The following TMEM117 variants were observed in gnomAD, a reference collection of about 807,000 sequenced individuals.
The protein encoded by TMEM117 is transmembrane protein 117.
Under a neutral mutation model 52.4 loss-of-function variants are expected in TMEM117, and 27 were observed. That is an observed-to-expected ratio of 0.51 (90% confidence interval 0.38 to 0.71). The LOEUF (loss-of-function observed/expected upper bound fraction) is 0.71. Ranked by LOEUF, TMEM117 falls within the 30% of genes least tolerant of loss-of-function variation. TMEM117 has a pLI of 0.00. For synonymous variants in TMEM117, 215 were observed against 206.3 expected (o/e 1.04, Z -0.36); for missense variants, 556 against 630.5 (o/e 0.88, Z 1.26).
chr12:44,158,917 A>G (rs1948863262), intron 4 of TMEM117, among the ~76,000 whole-genome samples: 2 of 152,140 alleles, frequency 1.3e-5, no homozygotes, highest in South Asian at 2.1e-4. Flanking sequence ...GCTGGCTGGC[A>G]GATTGTAGCT....
intron 5 of TMEM117, among the ~76,000 whole-genome samples, chr12:44,235,874 A>G (rs1949989436): frequency 6.6e-6 from 1 of 151,886 alleles, no homozygotes; most frequent in Non-Finnish European, 1.5e-5. Flanking sequence ...TGCTGACTAT[A>G]GTATTCTAAC....
At chr12:44,343,961 C>G (rs1162121045) in intron 6 of TMEM117, among the ~76,000 whole-genome samples, 1 of 151,974 alleles carries the variant, frequency 6.6e-6, no homozygotes, top group Non-Finnish European at 1.5e-5. Flanking sequence ...GGCAAGGAGC[C>G]AGAAGCCGGA....
chr12:43,861,425 G>A (rs971233198), intron 2 of TMEM117, among the ~76,000 whole-genome samples: 1 of 152,092 alleles, frequency 6.6e-6, no homozygotes, highest in African/African-American at 2.4e-5. Context: ...TTTTTTCTGG[G>A]TTGCTCCCCT....
At chr12:43,806,281 T>A in the TMEM117 span, 1 of 1,488,052 alleles carries the variant, frequency 6.7e-7, no homozygotes, top group Admixed American at 2.2e-5. Flanking sequence ...CGGCGCTGAG[T>A]GCAGCCAGCG....
At chr12:44,204,233 T>C (rs1187811501) in intron 4 of TMEM117, among the ~76,000 whole-genome samples, 1 of 152,044 alleles carries the variant, frequency 6.6e-6, no homozygotes, top group Non-Finnish European at 1.5e-5. Context: ...GGATACAAAA[T>C]CAGTGTACAA....
At chr12:44,289,717 T>A (rs1299365155) in intron 5 of TMEM117, among the ~76,000 whole-genome samples, 1 of 151,970 alleles carries the variant, frequency 6.6e-6, no homozygotes, top group African/African-American at 2.4e-5. Flanking sequence ...CATGCCTGGC[T>A]AATTTTTTGT....
intron 5 of TMEM117, among the ~76,000 whole-genome samples, chr12:44,285,131 T>C (rs1950622927): frequency 6.6e-6 from 1 of 152,212 alleles, no homozygotes; most frequent in Non-Finnish European, 1.5e-5. Context: ...CATTACAATC[T>C]GAGTGACCAA....
intron 5 of TMEM117, among the ~76,000 whole-genome samples, chr12:44,282,348 G>A (rs911899255): frequency 6.6e-6 from 1 of 152,190 alleles, no homozygotes; most frequent in South Asian, 2.1e-4. Flanking sequence ...GGAACAGTTT[G>A]GAGGGCCCAG....
intron 3 of TMEM117, among the ~76,000 whole-genome samples, chr12:44,085,846 T>A (rs893338872): frequency 6.6e-6 from 1 of 151,290 alleles, no homozygotes; most frequent in Non-Finnish European, 1.5e-5. Context: ...TCTTTAGCTA[T>A]TTTTTTTTCT....
At chr12:44,268,396 G>A (rs1039107694) in intron 5 of TMEM117, among the ~76,000 whole-genome samples, 7 of 151,924 alleles carry the variant, frequency 4.6e-5, no homozygotes, top group South Asian at 2.1e-4. Flanking sequence ...CACCCGCCTC[G>A]GCCTCTCCAG....
At chr12:44,292,232 C>T (rs1950713962) in intron 5 of TMEM117, among the ~76,000 whole-genome samples, 1 of 151,826 alleles carries the variant, frequency 6.6e-6, no homozygotes, top group African/African-American at 2.4e-5. Flanking sequence ...CCAGGTTATC[C>T]AATTTGTTGG....
intron 5 of TMEM117, among the ~76,000 whole-genome samples, chr12:44,288,387 A>G (rs1864746837): frequency 6.6e-6 from 1 of 152,060 alleles, no homozygotes; most frequent in African/African-American, 2.4e-5. Flanking sequence ...ACCTCCTTTA[A>G]TTTCCCTTTG....
chr12:43,964,651 A>G (rs1945456301), intron 3 of TMEM117, among the ~76,000 whole-genome samples: 1 of 152,210 alleles, frequency 6.6e-6, no homozygotes, highest in Non-Finnish European at 1.5e-5. Flanking sequence ...GTGTGCAATA[A>G]TTGAACAGAG....
chr12:43,821,977 T>G, the TMEM117 span, among the ~76,000 whole-genome samples: 4 of 152,230 alleles, frequency 2.6e-5, no homozygotes, highest in Non-Finnish European at 4.4e-5. Context: ...GTGACCATGT[T>G]GTTGTGAATG....
At chr12:43,992,385 A>C (rs1013614067) in intron 3 of TMEM117, among the ~76,000 whole-genome samples, 2 of 151,818 alleles carry the variant, frequency 1.3e-5, no homozygotes, top group Admixed American at 1.3e-4. Flanking sequence ...CTCCCACCTC[A>C]GCCTCCCAAG....
intron 2 of TMEM117, among the ~76,000 whole-genome samples, chr12:43,940,819 C>T (rs1945033381): frequency 6.6e-6 from 1 of 152,214 alleles, no homozygotes; most frequent in Non-Finnish European, 1.5e-5. Flanking sequence ...GCTGGGATTA[C>T]AGGCATGAGC....
chr12:44,231,060 C>T (rs561288909), intron 5 of TMEM117, among the ~76,000 whole-genome samples: 20 of 152,046 alleles, frequency 1.3e-4, no homozygotes, highest in Middle Eastern at 3.4e-3. Flanking sequence ...AAAATGTCAT[C>T]AACATTCCAG....
chr12:43,984,554 T>C (rs998781559), intron 3 of TMEM117, among the ~76,000 whole-genome samples: 4 of 152,202 alleles, frequency 2.6e-5, no homozygotes, highest in Admixed American at 2.6e-4. Flanking sequence ...AACATTTCTT[T>C]GTGACTTACA....
At chr12:43,913,180 G>A (rs1944544458) in intron 2 of TMEM117, among the ~76,000 whole-genome samples, 1 of 152,100 alleles carries the variant, frequency 6.6e-6, no homozygotes, top group Admixed American at 6.6e-5. Context: ...GCTTCTGGAA[G>A]CTCATTCATG....
Sources: allele counts gnomAD v4.1 joint callset (sites outside exome capture counted in the v4.1 genomes callset), GRCh38; gene constraint gnomAD v4.1.1; transcripts MANE v1.5; gene names NCBI Gene and HGNC (gene_info 2026-07-23, HGNC 2026-07-21).